The following SNCAIP variants were observed in gnomAD, a reference collection of about 807,000 sequenced individuals.
SNCAIP encodes the protein synphilin-1.
A neutral mutation model predicts 86.7 loss-of-function variants in SNCAIP; 43 were observed. The ratio of observed to expected loss-of-function variants is 0.50; its 90% CI spans 0.39 to 0.64. SNCAIP has a LOEUF of 0.64. SNCAIP is among the 30% of genes least tolerant of loss of function. SNCAIP has a pLI of 0.00. For missense variants in SNCAIP, 981 were observed against 1,103.1 expected, an observed-to-expected ratio of 0.89 and a Z score of 1.57; for synonymous variants, 417 against 427.2, an observed-to-expected ratio of 0.98 and a Z score of 0.29.
At chr5:122,399,841 C>A (rs1341161868) in intron 2 of SNCAIP, among the ~76,000 whole-genome samples, 1 of 152,072 alleles carries the variant, frequency 6.6e-6, no homozygotes, top group African/African-American at 2.4e-5. Context: ...TTATAATCAC[C>A]CATATGGCTT....
In SNCAIP at chr5:122,450,942, C is replaced by T. The variant is rs777803429; in HGVS notation, c.2095C>T (p.Pro699Ser). 1 of 1,614,158 alleles carries T rather than the reference C, an allele frequency of 6.2e-7. No homozygotes were observed. Among genetic ancestry groups the T allele is most frequent in the Non-Finnish European group, 8.5e-7 (1 of 1,180,028 alleles). ...TACCCCAGTGAGGAAGGCTGACCGA[C>T]CAAGGCCGCAGCCCATTGTAGAAAG... ...KTTPVRKADR[P>S]RPQPIVESVE... The change falls in exon 10 of 11, where the codon CCA (proline) becomes TCA (serine). Residue 699 changes from proline (P) to serine (S), a missense_variant. Transcript: ENST00000261368.
At chr5:122,387,445 C>A (rs892555006) in intron 1 of SNCAIP, among the ~76,000 whole-genome samples, 2 of 152,174 alleles carry the variant, frequency 1.3e-5, no homozygotes, top group Non-Finnish European at 1.5e-5. Context: ...AGTCACCATG[C>A]CCGACCCTAC....
At chr5:122,321,290 T>A (rs1196420372) in intron 1 of SNCAIP, 1 of 152,146 alleles carries the variant, frequency 6.6e-6, no homozygotes, top group Non-Finnish European at 1.5e-5. Flanking sequence ...CCATATTACA[T>A]CTTTGAAATT....
At chr5:122,441,942 A>G (rs78161384) in intron 7 of SNCAIP, among the ~76,000 whole-genome samples, 1,941 of 152,238 alleles carry the variant, frequency 0.013, 37 homozygotes, top group African/African-American at 0.043. Flanking sequence ...GACCCGACAT[A>G]TATGGATTTA....
In SNCAIP at chr5:122,384,414, G is replaced by A. The variant is rs565620851; in HGVS notation, c.-46-6675G>A. On this transcript the variant is annotated intron_variant, in intron 1 of 10. Transcript: ENST00000261368. ...TTAAAAAAAAAATGACACAGAGGCA[G>A]TGTTGCTTTACCTTGTCATTTTGGC... is the stretch of plus-strand genomic sequence containing the variant. Among the ~76,000 whole-genome samples the A allele has an allele frequency of 2.0e-5, 3 of 152,328 alleles. No individual in the cohort carries two copies. The East Asian group carries it at 5.8e-4, about 29-fold the overall frequency.
At chr5:122,353,679 C>T (rs891378489) in intron 1 of SNCAIP, among the ~76,000 whole-genome samples, 3 of 152,188 alleles carry the variant, frequency 2.0e-5, no homozygotes, top group African/African-American at 7.2e-5. Context: ...CAAGCTCTCT[C>T]TCTTTGCTTC....
intron 1 of SNCAIP, among the ~76,000 whole-genome samples, chr5:122,343,076 C>T (rs911839454): frequency 1.3e-5 from 2 of 152,194 alleles, no homozygotes; most frequent in Admixed American, 6.5e-5. Context: ...CAAATATGTT[C>T]ATGAGTTAAA....
In SNCAIP at chr5:122,423,072, A is replaced by T. The variant is rs201311409; in HGVS notation, c.335A>T (p.Asp112Val). 6.2e-7 allele frequency: 1 copy of T among 1,614,054 alleles called. No individual in the cohort carries two copies. The highest frequency in any genetic ancestry group is 8.5e-7 in the Non-Finnish European group (1 of 1,179,998). ...VVEYQKGGES[D>V]LGPQPQELGP... ...GAGTACCAGAAAGGGGGTGAGTCTG[A>T]CCTGGGCCCCCAGCCTCAGGAGCTT... The change falls in exon 4 of 11, where the codon GAC becomes GTC. Residue 112 changes from aspartate (D) to valine (V), a missense_variant. Transcript: ENST00000261368.
At chr5:122,337,837 G>T (rs1561535674) in intron 1 of SNCAIP, among the ~76,000 whole-genome samples, 1 of 152,180 alleles carries the variant, frequency 6.6e-6, no homozygotes, top group Non-Finnish European at 1.5e-5. Context: ...CCTGCGCCCT[G>T]CCTCCTCTGG....
intron 10 of SNCAIP, among the ~76,000 whole-genome samples, chr5:122,461,220 C>G (rs543771761): frequency 1.3e-5 from 2 of 152,212 alleles, no homozygotes; most frequent in South Asian, 4.2e-4. Context: ...TGTTGAGAAG[C>G]CCTATTCTTC....
chr5:122,345,943 G>C (rs1000133384), intron 1 of SNCAIP, among the ~76,000 whole-genome samples: 2 of 152,002 alleles, frequency 1.3e-5, no homozygotes, highest in Non-Finnish European at 2.9e-5. Flanking sequence ...GTGAGCCACT[G>C]TGCCCAGCCT....
chr5:122,344,506 A>AG (rs1758210996), intron 1 of SNCAIP, among the ~76,000 whole-genome samples: 2 of 152,140 alleles, frequency 1.3e-5, no homozygotes, highest in South Asian at 4.1e-4. Flanking sequence ...GCCTTCAGAG[A>AG]GGAGAGGGCT....
chr5:122,429,194 T>C (rs1007832165), intron 5 of SNCAIP, among the ~76,000 whole-genome samples: 1 of 151,682 alleles, frequency 6.6e-6, no homozygotes, highest in African/African-American at 2.4e-5. Flanking sequence ...TTTGTAGCTG[T>C]AAATGCCTCT....
chr5:122,401,246 A>C, intron 2 of SNCAIP: 1 of 983,976 alleles, frequency 1.0e-6, no homozygotes, highest in Admixed American at 3.3e-5. Flanking sequence ...CTTGTAAGGG[A>C]GACTTCTTGG....
chr5:122,385,377 C>T (rs1237386240), intron 1 of SNCAIP, among the ~76,000 whole-genome samples: 1 of 152,156 alleles, frequency 6.6e-6, no homozygotes, highest in Non-Finnish European at 1.5e-5. Flanking sequence ...GTAAAAATTT[C>T]TTGCCTCTAT....
At chr5:122,332,339 T>C (rs1755535980) in intron 1 of SNCAIP, among the ~76,000 whole-genome samples, 1 of 152,176 alleles carries the variant, frequency 6.6e-6, no homozygotes, top group South Asian at 2.1e-4. Context: ...AAGGTACATT[T>C]CTCCTTATCT....
chr5:122,392,809 A>G (rs1447699492), intron 2 of SNCAIP, among the ~76,000 whole-genome samples: 2 of 152,208 alleles, frequency 1.3e-5, no homozygotes, highest in Non-Finnish European at 2.9e-5. Context: ...GGCACACAGT[A>G]AGTTGCTCTT....
At chr5:122,343,225 T>C (rs1757944596) in intron 1 of SNCAIP, among the ~76,000 whole-genome samples, 1 of 152,198 alleles carries the variant, frequency 6.6e-6, no homozygotes, top group Admixed American at 6.5e-5. Context: ...TAGTTGTGGA[T>C]AGCTAAATAT....
At chr5:122,394,765 G>T (rs1327196381) in intron 2 of SNCAIP, among the ~76,000 whole-genome samples, 1 of 152,152 alleles carries the variant, frequency 6.6e-6, no homozygotes, top group Non-Finnish European at 1.5e-5. Flanking sequence ...GCTGAACTCT[G>T]GATCTCCTGA....
Sources: allele counts gnomAD v4.1 joint callset (sites outside exome capture counted in the v4.1 genomes callset), GRCh38; gene constraint gnomAD v4.1.1; transcripts MANE v1.5; gene names NCBI Gene and HGNC (gene_info 2026-07-23, HGNC 2026-07-21).